The following SEMA3A variants were observed in gnomAD, a reference collection of about 807,000 sequenced individuals.
SEMA3A encodes semaphorin 3A, also known as semaphorin-3A.
Under a neutral mutation model 97.9 loss-of-function variants are expected in SEMA3A, and 29 were observed. That is an observed-to-expected ratio of 0.30 (90% CI 0.22 to 0.40). SEMA3A has a LOEUF of 0.40. Among genes scored for constraint, SEMA3A ranks in the 10% least tolerant of loss-of-function variants. SEMA3A has a pLI of 1.00. For missense variants in SEMA3A, 763 were observed against 951.3 expected (o/e 0.80, Z 2.60); for synonymous variants, 321 against 323.7 (o/e 0.99, Z 0.09).
At chr7:83,975,180 G>T (rs1789093320) in intron 15 of SEMA3A, among the ~76,000 whole-genome samples, 2 of 151,994 alleles carry the variant, frequency 1.3e-5, no homozygotes, top group East Asian at 3.9e-4. Flanking sequence ...AATTCCTTTG[G>T]TCAGTTTTTC....
chr7:83,998,062 T>TAGCTATCAC (rs1004856030), intron 12 of SEMA3A, among the ~76,000 whole-genome samples: 3 of 151,810 alleles, frequency 2.0e-5, no homozygotes, highest in African/African-American at 7.3e-5. Context: ...TGTCATCTAA[T>TAGCTATCAC]AGCTATCACA....
At chr7:84,363,404 T>C (rs564408967) in intron 2 of SEMA3A, among the ~76,000 whole-genome samples, 1 of 152,046 alleles carries the variant, frequency 6.6e-6, no homozygotes, top group Admixed American at 6.6e-5. Flanking sequence ...TGCCTTTGCC[T>C]TAAAGGCAAG....
At chr7:84,054,113 T>C (rs1583882093) in intron 5 of SEMA3A, among the ~76,000 whole-genome samples, 1 of 151,858 alleles carries the variant, frequency 6.6e-6, no homozygotes, top group Non-Finnish European at 1.5e-5. Context: ...CCTTTGAGGG[T>C]AACCCGACCT....
intron 1 of SEMA3A, among the ~76,000 whole-genome samples, chr7:84,486,071 T>A (rs534966956): frequency 2.0e-5 from 3 of 152,222 alleles, no homozygotes; most frequent in African/African-American, 7.2e-5. Flanking sequence ...AAGGGGAAAA[T>A]AGGCATTATG....
intron 1 of SEMA3A, among the ~76,000 whole-genome samples, chr7:84,435,635 C>T (rs567704896): frequency 1.1e-3 from 171 of 151,988 alleles, no homozygotes; most frequent in African/African-American, 4.0e-3. Flanking sequence ...CAAACCTCTA[C>T]AAGGAGAACT....
chr7:84,220,624 A>G (rs1798854121), intron 3 of SEMA3A, among the ~76,000 whole-genome samples: 1 of 152,146 alleles, frequency 6.6e-6, no homozygotes, highest in African/African-American at 2.4e-5. Flanking sequence ...AGGCATGAAA[A>G]CAACATTAAT....
intron 2 of SEMA3A, among the ~76,000 whole-genome samples, chr7:84,371,017 G>C (rs1802961232): frequency 6.6e-6 from 1 of 150,956 alleles, no homozygotes; most frequent in African/African-American, 2.4e-5. Flanking sequence ...GAGGTAAATA[G>C]GTAGGTATAT....
chr7:84,137,346 A>G (rs1796164904), intron 1 of SEMA3A, among the ~76,000 whole-genome samples: 1 of 149,178 alleles, frequency 6.7e-6, no homozygotes, highest in Non-Finnish European at 1.5e-5. Flanking sequence ...GGTTGCAGTG[A>G]GCCGAGATTG....
intron 1 of SEMA3A, among the ~76,000 whole-genome samples, chr7:84,409,032 CTTAAAGT>C (rs1292868277): frequency 6.7e-6 from 1 of 149,330 alleles, no homozygotes; most frequent in Non-Finnish European, 1.5e-5. Flanking sequence ...TACCCTAAAA[CTTAAAGT>C]ATAATAATAA....
At position 84,050,494 on chromosome 7, in the gene SEMA3A, G is replaced by C. The variant is rs974246701; in HGVS notation, c.548-4051C>G. On this transcript the variant is annotated intron_variant, in intron 5 of 16. Transcript: ENST00000265362. The stretch of plus-strand genomic sequence containing the variant: ...GCATTTTTTCATGTGTTTTTTGGCT[G>C]CATAAATGTCTTCTTTTGAGAAGTG... Among the ~76,000 whole-genome samples the C allele has an allele frequency of 3.9e-5, 6 of 152,120 alleles. No individual in the cohort carries two copies. In the South Asian group the frequency reaches 1.0e-3, roughly 26 times the overall value.
In SEMA3A at chr7:84,173,399, G is replaced by T. The variant is rs145890032; in HGVS notation, c.112+21076C>A. 8.4e-3 allele frequency among the ~76,000 whole-genome samples: 1,274 copies of T among 151,472 alleles called. 17 individuals carry two copies. Among genetic ancestry groups the T allele is most frequent in the African/African-American group, 0.029 (1,214 of 41,344 alleles). The stretch of plus-strand genomic sequence containing the variant: ...GGTGAAATCCCATCTCTACTAAAAA[G>T]ATACAAAAAATTAGCCAGGCGTGGT... On this transcript the variant is annotated intron_variant, in intron 1 of 16. Coordinates refer to ENST00000265362, the MANE Select transcript of SEMA3A (RefSeq NM_006080.3).
intron 9 of SEMA3A, among the ~76,000 whole-genome samples, chr7:84,010,383 T>G (rs1293632820): frequency 2.0e-5 from 3 of 152,182 alleles, no homozygotes; most frequent in Non-Finnish European, 2.9e-5. Flanking sequence ...ATTTCTAGTT[T>G]AGTTCTAGGT....
intron 3 of SEMA3A, among the ~76,000 whole-genome samples, chr7:84,128,023 A>G (rs948307928): frequency 6.6e-6 from 1 of 152,268 alleles, no homozygotes; most frequent in South Asian, 2.1e-4. Flanking sequence ...AAATGATTAT[A>G]AAACTACTTT....
chr7:84,067,358 A>C, intron 4 of SEMA3A, among the ~76,000 whole-genome samples: 1 of 152,186 alleles, frequency 6.6e-6, no homozygotes, highest in Non-Finnish European at 1.5e-5. Context: ...GGACATAAGC[A>C]TGGGCAAGGA....
intron 1 of SEMA3A, among the ~76,000 whole-genome samples, chr7:84,466,283 C>T (rs1353447138): frequency 6.6e-6 from 1 of 152,066 alleles, no homozygotes; most frequent in Non-Finnish European, 1.5e-5. Flanking sequence ...AGCGATTCTC[C>T]TGCCTTAGCC....
At chr7:84,052,427 G>C (rs1336302470) in intron 5 of SEMA3A, among the ~76,000 whole-genome samples, 1 of 152,076 alleles carries the variant, frequency 6.6e-6, no homozygotes, top group African/African-American at 2.4e-5. Context: ...GCTTCTTCCT[G>C]GTTTAGTCTT....
intron 2 of SEMA3A, among the ~76,000 whole-genome samples, chr7:84,315,036 G>A (rs1005986678): frequency 6.6e-6 from 1 of 152,062 alleles, no homozygotes. Flanking sequence ...GGTTTGCTAC[G>A]AATAATTTTC....
In SEMA3A at chr7:84,347,045, C is replaced by G. The variant is rs778812100; in HGVS notation, c.-169+24779G>C. Among the ~76,000 whole-genome samples, 4 of 152,088 alleles carry G rather than the reference C, an allele frequency of 2.6e-5. No homozygotes were observed. In the South Asian group the frequency reaches 8.3e-4, roughly 32 times the overall value. The stretch of plus-strand genomic sequence containing the variant: ...GGATAACACTAAAATGCTAATAACA[C>G]CAAGTGTTTATGAAGATGTGAAATT... On this transcript the variant is annotated intron_variant, in intron 2 of 3. Transcript: ENST00000424555.
In SEMA3A at chr7:83,977,182, TGTC is replaced by T. The variant is rs1789184311; in HGVS notation, c.1664_1666del (p.Arg555del). 1 of 1,589,430 alleles carries T rather than the reference TGTC, an allele frequency of 6.3e-7. No homozygotes were observed. The highest frequency in any genetic ancestry group is 1.7e-5 in the Admixed American group (1 of 58,484). Reference sequence around the variant, plus strand: ...CAGTGGGTCTCCATTTCTTATATCTTGTCGTCTTGTGCGTCTGAAGCAATTACA... The same window carrying T: ...CAGTGGGTCTCCATTTCTTATATCTTGTCTTGTGCGTCTGAAGCAATTACA... On this transcript the variant is annotated inframe_deletion, in exon 15 of 17. Coordinates refer to ENST00000265362, the MANE Select transcript of SEMA3A (RefSeq NM_006080.3).
Sources: gnomAD v4.1 joint callset for allele counts (sites outside exome capture counted in the v4.1 genomes callset) on GRCh38, gnomAD v4.1.1 for gene constraint, MANE v1.5 for transcripts, NCBI Gene and HGNC (gene_info 2026-07-23, HGNC 2026-07-21) for gene names.